The following CALB2 variants were observed in gnomAD, a reference collection of about 807,000 sequenced individuals.
The protein encoded by CALB2 is calbindin 2, also known as calretinin.
CALB2 carries 34 observed loss-of-function variants against 45.9 expected under a neutral mutation model. That is an observed-to-expected ratio of 0.74 (90% CI 0.56 to 0.99). The LOEUF (loss-of-function observed/expected upper bound fraction) is 0.99. Among genes scored for constraint, CALB2 ranks in the 50% least tolerant of loss-of-function variants. The pLI, the probability that CALB2 is intolerant of heterozygous loss-of-function variation, is 0.00. For synonymous variants in CALB2, 142 were observed against 129.6 expected, an observed-to-expected ratio of 1.10 and a Z score of -0.65; for missense variants, 344 against 339.3, an observed-to-expected ratio of 1.01 and a Z score of -0.11.
At chr16:71,382,177 C>T (rs376615817) in intron 4 of CALB2, among the ~76,000 whole-genome samples, 3 of 35,538 alleles carry the variant, frequency 8.4e-5, no homozygotes, top group Non-Finnish European at 2.1e-4. Context: ...AAGGAAGGAA[C>T]GAAAGAAAAA....
At chr16:71,374,510 G>C (rs2042388156) in intron 2 of CALB2, among the ~76,000 whole-genome samples, 1 of 152,150 alleles carries the variant, frequency 6.6e-6, no homozygotes, top group Non-Finnish European at 1.5e-5. Context: ...ACCTGGTATG[G>C]AGCATGGCCA....
chr16:71,360,817 G>A (rs2144946115), intron 1 of CALB2, among the ~76,000 whole-genome samples: 1 of 152,338 alleles, frequency 6.6e-6, no homozygotes, highest in South Asian at 2.1e-4. Context: ...AGACACAGGG[G>A]TTGACTTTTC....
At chr16:71,372,494 C>T (rs754222726) in intron 2 of CALB2, among the ~76,000 whole-genome samples, 4 of 152,112 alleles carry the variant, frequency 2.6e-5, no homozygotes, top group Non-Finnish European at 5.9e-5. Flanking sequence ...TCTGCGTATG[C>T]GTATATTAAT....
At chr16:71,374,038 G>A (rs1010599921) in intron 2 of CALB2, among the ~76,000 whole-genome samples, 1 of 152,160 alleles carries the variant, frequency 6.6e-6, no homozygotes, top group African/African-American at 2.4e-5. Context: ...CATTGATTAG[G>A]GAGAAGGAAG....
chr16:71,376,500 C>G (rs1190501192), intron 3 of CALB2, among the ~76,000 whole-genome samples: 1 of 152,108 alleles, frequency 6.6e-6, no homozygotes, highest in East Asian at 1.9e-4. Context: ...CACATACATC[C>G]ACATATACCC....
At chr16:71,388,378 A>G (rs1029767325) in intron 10 of CALB2, among the ~76,000 whole-genome samples, 1 of 151,914 alleles carries the variant, frequency 6.6e-6, no homozygotes, top group African/African-American at 2.4e-5. Context: ...AAGAAAAAAG[A>G]AAAAAGAGGG....
intron 4 of CALB2, 85 bp from the exon 5 acceptor site, chr16:71,382,634 G>A: frequency 7.8e-7 from 1 of 1,279,740 alleles, no homozygotes; most frequent in Non-Finnish European, 1.1e-6. Context: ...TCAAGACCCT[G>A]GGTGGCCCAT....
At chr16:71,367,716 A>C (rs2042304169) in intron 1 of CALB2, among the ~76,000 whole-genome samples, 2 of 152,338 alleles carry the variant, frequency 1.3e-5, no homozygotes, top group Non-Finnish European at 2.9e-5. Flanking sequence ...ACCAGGCACA[A>C]AGTGGAACAG....
intron 10 of CALB2, among the ~76,000 whole-genome samples, chr16:71,386,320 G>T (rs184757963): frequency 1.3e-5 from 2 of 152,216 alleles, no homozygotes; most frequent in Non-Finnish European, 1.5e-5. Context: ...GTGTTGACGT[G>T]TGAAAGTGTT....
Position 71,363,929 on chromosome 16 carries a change from G to A in CALB2, c.94+5043G>A, listed in dbSNP as rs539641937. Among the ~76,000 whole-genome samples, 5 of 152,310 alleles carry A rather than the reference G, an allele frequency of 3.3e-5. No homozygotes were observed. In the South Asian group the frequency reaches 1.0e-3, roughly 32 times the overall value. ...CCTGTTAGTGAACCTCTGGGGGTCTGTATACCTCTCAGCTGGGCGTGGCGT... is the reference window on the plus strand; with the variant it reads ...CCTGTTAGTGAACCTCTGGGGGTCTATATACCTCTCAGCTGGGCGTGGCGT... On this transcript the variant is annotated intron_variant, in intron 1 of 10. Transcript: ENST00000302628.
intron 3 of CALB2, among the ~76,000 whole-genome samples, chr16:71,377,022 C>G (rs1350945629): frequency 6.6e-6 from 1 of 152,176 alleles, no homozygotes; most frequent in Admixed American, 6.5e-5. Context: ...GAGGCTCACA[C>G]TTCACCAACG....
Position 71,389,874 on chromosome 16 carries a change from C to G in CALB2, c.*9C>G. 6.3e-7 allele frequency: 1 copy of G among 1,581,404 alleles called. No homozygotes were observed. The highest frequency in any genetic ancestry group is 8.7e-7 in the Non-Finnish European group (1 of 1,151,554). ...GCGAGCCCCCCATGTAAAGTGGGGACGGGGGCTGCTTCTCCACCTCCCCCA... is the reference window on the plus strand; with the variant it reads ...GCGAGCCCCCCATGTAAAGTGGGGAGGGGGGCTGCTTCTCCACCTCCCCCA... On this transcript the variant is annotated 3_prime_UTR_variant, in exon 11 of 11. Coordinates refer to ENST00000302628, the MANE Select transcript of CALB2 (RefSeq NM_001740.5).
At chr16:71,379,138 A>T (rs1463590951) in intron 4 of CALB2, among the ~76,000 whole-genome samples, 1 of 152,086 alleles carries the variant, frequency 6.6e-6, no homozygotes, top group South Asian at 2.1e-4. Flanking sequence ...TTAGCTGGGC[A>T]TGGTGGTGCA....
intron 1 of CALB2, among the ~76,000 whole-genome samples, chr16:71,361,625 C>T (rs947437325): frequency 6.6e-6 from 1 of 152,190 alleles, no homozygotes; most frequent in African/African-American, 2.4e-5. Flanking sequence ...CCTCCCCACC[C>T]CTTCTGGATG....
intron 4 of CALB2, 79 bp from the exon 5 acceptor site, chr16:71,382,640 C>G: frequency 7.2e-7 from 1 of 1,384,208 alleles, no homozygotes; most frequent in East Asian, 2.3e-5. Flanking sequence ...CCCTGGGTGG[C>G]CCATTAAAGG....
At chr16:71,371,736 G>C (rs1288060106) in intron 1 of CALB2, among the ~76,000 whole-genome samples, 2 of 152,232 alleles carry the variant, frequency 1.3e-5, no homozygotes, top group African/African-American at 4.8e-5. Flanking sequence ...TTCCAAATAA[G>C]GTCCCATTCT....
At chr16:71,371,568 C>A (rs1238060382) in intron 1 of CALB2, among the ~76,000 whole-genome samples, 1 of 152,144 alleles carries the variant, frequency 6.6e-6, no homozygotes, top group Non-Finnish European at 1.5e-5. Context: ...GGCTTGTACA[C>A]ACATCACACT....
chr16:71,383,333 G>C lies in CALB2; in HGVS notation c.400-34G>C, dbSNP rs201550865. 1,953 of 1,596,162 alleles carry C rather than the reference G, an allele frequency of 1.2e-3. 3 individuals carry two copies. Among genetic ancestry groups the C allele is most frequent in the Non-Finnish European group, 1.4e-3 (1,682 of 1,164,228 alleles). ...AATGAATGAGGGACCGAATGCACGA[G>C]TCAGGAGTACTAAAGAGGCCTTTTG... On this transcript the variant is annotated intron_variant, in intron 5 of 10. Transcript: ENST00000302628.
intron 1 of CALB2, among the ~76,000 whole-genome samples, chr16:71,359,584 C>T (rs2042217899): frequency 6.6e-6 from 1 of 152,108 alleles, no homozygotes; most frequent in Admixed American, 6.5e-5. Flanking sequence ...GAGGCACCAC[C>T]CTAAGTGCCT....
Sources: allele counts gnomAD v4.1 joint callset (sites outside exome capture counted in the v4.1 genomes callset), GRCh38; gene constraint gnomAD v4.1.1; transcripts MANE v1.5; gene names NCBI Gene and HGNC (gene_info 2026-07-23, HGNC 2026-07-21).